The following GMEB2 variants were observed in gnomAD, a reference collection of about 807,000 sequenced individuals.
GMEB2 encodes glucocorticoid modulatory element binding protein 2.
GMEB2 carries 7 observed loss-of-function variants against 45.7 expected under a neutral mutation model. The ratio of observed to expected loss-of-function variants is 0.15; its 90% CI spans 0.09 to 0.29. GMEB2 has a LOEUF of 0.29. Ranked by LOEUF, GMEB2 falls within the 10% of genes least tolerant of loss-of-function variation. GMEB2 has a pLI of 1.00. For synonymous variants in GMEB2, 322 were observed against 323.6 expected (o/e 1.00, Z 0.05); for missense variants, 582 against 739.2 (o/e 0.79, Z 2.47).
chr20:63,591,827 A>G (rs1211820249), intron 9 of GMEB2, among the ~76,000 whole-genome samples, 195 bp downstream of exon 9: 1 of 152,256 alleles, frequency 6.6e-6, no homozygotes, highest in African/African-American at 2.4e-5. Flanking sequence ...ATGTAAGCTT[A>G]GTGCAATGGA....
chr20:63,591,349 C>G lies in GMEB2; in HGVS notation c.953-620G>C, dbSNP rs6122482. Reference sequence around the variant, plus strand: ...TGAACACGCAGTGAACACACACACACTGAACACACACACAGTGAACACACA... The same window carrying G: ...TGAACACGCAGTGAACACACACACAGTGAACACACACACAGTGAACACACA... On this transcript the variant is annotated intron_variant, in intron 9 of 9. Coordinates refer to ENST00000370077, the MANE Select transcript of GMEB2 (RefSeq NM_012384.5). Among the ~76,000 whole-genome samples the G allele has an allele frequency of 5.0e-5, 6 of 120,996 alleles. No individual in the cohort carries two copies. The East Asian group carries it at 1.2e-3, about 24-fold the overall frequency. The allele number at this position is 120,996 out of a possible 152,430, so 79.4% of individuals were successfully genotyped here.
chr20:63,599,743 C>T (rs917858995), intron 4 of GMEB2, among the ~76,000 whole-genome samples: 1 of 152,204 alleles, frequency 6.6e-6, no homozygotes, highest in Non-Finnish European at 1.5e-5. Context: ...CAATTTCAAA[C>T]TCACAGGGTA....
At chr20:63,601,639 G>C (rs930568546) in intron 4 of GMEB2, among the ~76,000 whole-genome samples, 1 of 151,806 alleles carries the variant, frequency 6.6e-6, no homozygotes, top group Admixed American at 6.6e-5. Flanking sequence ...CTCCCAAAGT[G>C]TCAGGATTGC....
rs143002237 is a variant in GMEB2 at position 63,593,690 on chromosome 20, G to A, written c.620-608C>T. On this transcript the variant is annotated intron_variant, in intron 6 of 9. Transcript: ENST00000370077. The surrounding 1 kb of genome is among the most constrained non-coding windows in gnomAD (Gnocchi z 4.7). ...TCGTTCATATGTGGCCATTTTGGGCGTTGCTGATAGAGACTTTATACACAG... is the reference window on the plus strand; with the variant it reads ...TCGTTCATATGTGGCCATTTTGGGCATTGCTGATAGAGACTTTATACACAG... Among the ~76,000 whole-genome samples, 64 of 147,336 alleles carry A rather than the reference G, an allele frequency of 4.3e-4. No homozygotes were observed. The highest frequency in any genetic ancestry group is 3.5e-3 in the East Asian group (16 of 4,564).
Position 63,603,083 on chromosome 20 carries a change from G to A in GMEB2, c.239C>T (p.Ala80Val). Residue 80 changes from alanine (A) to valine (V), a missense_variant, in exon 4 of 10, where the codon GCT (alanine) becomes GTT (valine). Ala to Val is a moderately conservative substitution (Grantham distance 64). Transcript: ENST00000370077. ...AGCTTCCAGGTTCTCCCCCTCTTCA[G>A]CCATCTTCACTTCTCACAGGCACAT... Reference protein sequence around the residue: ...QLKEAVLVKMAEEGENLEAEI... With the variant: ...QLKEAVLVKMVEEGENLEAEI... 6.2e-7 allele frequency: 1 copy of A among 1,613,998 alleles called. No individual in the cohort carries two copies. Among genetic ancestry groups the A allele is most frequent in the Non-Finnish European group, 8.5e-7 (1 of 1,179,936 alleles).
At position 63,600,445 on chromosome 20, in the gene GMEB2, C is replaced by T. The variant is rs556515975; in HGVS notation, c.357+2520G>A. ...CATTAAGACTGCAGCAGGCCGGGCG[C>T]GGTGGCTCACGCCTGTAATCCCAGC... On this transcript the variant is annotated intron_variant, in intron 4 of 9. Transcript: ENST00000370077. Among the ~76,000 whole-genome samples, 8 of 150,526 alleles carry T rather than the reference C, an allele frequency of 5.3e-5. No homozygotes were observed. In the South Asian group the frequency reaches 8.7e-4, roughly 16 times the overall value.
In GMEB2 at chr20:63,592,971, G is replaced by T; in HGVS notation, c.691+40C>A. ...AGGTGGGCAGAGACTCCACCACCCCGCCAGGGCTTGTGAGAAGCCCACAAG... is the reference window on the plus strand; with the variant it reads ...AGGTGGGCAGAGACTCCACCACCCCTCCAGGGCTTGTGAGAAGCCCACAAG... On this transcript the variant is annotated intron_variant, in intron 7 of 9. Coordinates refer to ENST00000370077, the MANE Select transcript of GMEB2 (RefSeq NM_012384.5). This position sits in a 1 kb window ranked among gnomAD's most constrained non-coding sequence, Gnocchi z 8.2. 4 of 1,420,360 alleles carry T rather than the reference G, an allele frequency of 2.8e-6. No individual in the cohort carries two copies. The highest frequency in any genetic ancestry group is 3.9e-6 in the Non-Finnish European group (4 of 1,015,170). 88.0% of individuals were successfully genotyped at this position (1,420,360 alleles called of 1,614,324 possible).
intron 2 of GMEB2, among the ~76,000 whole-genome samples, chr20:63,617,872 T>G (rs1056429634): frequency 2.0e-5 from 3 of 151,802 alleles, no homozygotes; most frequent in Non-Finnish European, 2.9e-5. Flanking sequence ...CTGGGCTCAG[T>G]TGGGATCAGA....
Position 63,591,931 on chromosome 20 carries a change from G to A in GMEB2, c.952+91C>T, listed in dbSNP as rs1322035307. The A allele has an allele frequency of 3.6e-6, 4 of 1,119,780 alleles. No homozygotes were observed. In the South Asian group the frequency reaches 6.0e-5, roughly 17 times the overall value. The allele number at this position is 1,119,780 out of a possible 1,614,324, so 69.4% of individuals were successfully genotyped here. A position where few individuals can be genotyped will look rare whatever the true frequency, so the allele number is the denominator to read the frequency against. On this transcript the variant is annotated intron_variant, in intron 9 of 9. Coordinates refer to ENST00000370077, the MANE Select transcript of GMEB2 (RefSeq NM_012384.5). ...CGTGGTGGCGGTGACTCCAGGAAGT[G>A]CAGGTGGATGCACAGCCGTGGGGTG...
Position 63,606,879 on chromosome 20 carries a change from C to T in GMEB2, c.132-2039G>A, listed in dbSNP as rs2089523645. Among the ~76,000 whole-genome samples the T allele has an allele frequency of 2.6e-5, 4 of 152,136 alleles. No homozygotes were observed. The South Asian group carries it at 8.3e-4, about 32-fold the overall frequency. ...GAAACCAGTACATGAGGCCACTTTC[C>T]CCTAGAGAGCCCACAGGAAGGAACC... On this transcript the variant is annotated intron_variant, in intron 2 of 9. Transcript: ENST00000370077.
rs748537334 is a variant in GMEB2, at chr20:63,619,409, AG to A, written c.-13del. Reference sequence around the variant, plus strand: ...TCGGGAGTCGCCATGGCTCAGCGGAAGGGGACGCCCAGGCCAGCAGCGTCAG... The same window carrying A: ...TCGGGAGTCGCCATGGCTCAGCGGAAGGGACGCCCAGGCCAGCAGCGTCAG... On this transcript the variant is annotated 5_prime_UTR_variant, in exon 2 of 10. Coordinates refer to ENST00000370077, the MANE Select transcript of GMEB2 (RefSeq NM_012384.5). The surrounding 1 kb of genome is among the most constrained non-coding windows in gnomAD (Gnocchi z 4.6). The A allele has an allele frequency of 1.2e-6, 2 of 1,608,226 alleles. No homozygotes were observed. Among genetic ancestry groups the A allele is most frequent in the Non-Finnish European group, 1.7e-6 (2 of 1,179,206 alleles).
intron 2 of GMEB2, among the ~76,000 whole-genome samples, chr20:63,617,988 A>G (rs1028420982): frequency 1.4e-4 from 21 of 148,658 alleles, no homozygotes; most frequent in African/African-American, 4.8e-4. Flanking sequence ...CTGCTGCCAC[A>G]CTACTCATTG....
chr20:63,614,558 C>T (rs990668615), intron 2 of GMEB2, among the ~76,000 whole-genome samples: 3 of 152,208 alleles, frequency 2.0e-5, no homozygotes, highest in Non-Finnish European at 4.4e-5. Flanking sequence ...GAAGACTCTA[C>T]TCCTCCACCT....
chr20:63,591,870 G>A, intron 9 of GMEB2, 152 bp downstream of exon 9: 1 of 602,776 alleles, frequency 1.7e-6, no homozygotes, highest in Non-Finnish European at 2.9e-6. Flanking sequence ...GCTTCAGGTT[G>A]TTTTCCTCGC....
At position 63,614,495 on chromosome 20, in the gene GMEB2, C is replaced by T. The variant is rs184838731; in HGVS notation, c.131+4772G>A. Among the ~76,000 whole-genome samples the T allele has an allele frequency of 1.9e-4, 29 of 152,318 alleles. No homozygotes were observed. In the East Asian group the frequency reaches 5.2e-3, roughly 27 times the overall value. ...AGCCTCAGTGTCAAGGAAAAACACC[C>T]GCTACTTAGCAAACCAGGAAAGAGA... On this transcript the variant is annotated intron_variant, in intron 2 of 9. Transcript: ENST00000370077.
intron 2 of GMEB2, among the ~76,000 whole-genome samples, chr20:63,608,422 A>AC (rs1189139614): frequency 1.0e-4 from 1 of 9,926 alleles, no homozygotes; most frequent in Admixed American, 5.7e-4. Flanking sequence ...CATGCCCGTG[A>AC]CCCCACATCC....
chr20:63,588,820 G>C lies in GMEB2; in HGVS notation c.*1269C>G, dbSNP rs2083117358. On this transcript the variant is annotated 3_prime_UTR_variant, in exon 10 of 10. Transcript: ENST00000370077. The stretch of plus-strand genomic sequence containing the variant: ...TTGGAGACGGCAGGAGGCCTGGGCT[G>C]GCTGCTCCCTGAGATGCCTGCCCCA... 2.5e-6 allele frequency: 1 copy of C among 398,746 alleles called. No homozygotes were observed. The highest frequency in any genetic ancestry group is 4.4e-5 in the Admixed American group (1 of 22,736). 24.7% of individuals were successfully genotyped at this position (398,746 alleles called of 1,614,324 possible).
chr20:63,590,703 G>A lies in GMEB2; in HGVS notation c.979C>T (p.Arg327Cys), dbSNP rs1347369243. The A allele has an allele frequency of 3.3e-6, 5 of 1,521,998 alleles. No homozygotes were observed. The highest frequency in any genetic ancestry group is 3.5e-6 in the Non-Finnish European group (4 of 1,130,126). 94.3% of individuals were successfully genotyped at this position (1,521,998 alleles called of 1,614,324 possible). A position where few individuals can be genotyped will look rare whatever the true frequency, so the allele number is the denominator to read the frequency against. Reference protein sequence around the residue: ...AALEQQCDEHRRRAKELKHKS... With the variant: ...AALEQQCDEHCRRAKELKHKS... ...TGCTTCAGCTCCTTGGCTCGGCGAC[G>A]ATGCTCATCACACTGCTGCTCCAGG... The change falls in exon 10 of 10, where the codon CGT becomes TGT. Residue 327 changes from arginine (R) to cysteine (C), a missense_variant. Around this residue, in one of 3 missense-constraint regions of GMEB2, gnomAD observed 462 missense variants for 586.7 expected, o/e 0.79. Coordinates refer to ENST00000370077, the MANE Select transcript of GMEB2 (RefSeq NM_012384.5).
intron 6 of GMEB2, among the ~76,000 whole-genome samples, chr20:63,595,237 A>G (rs992555002): frequency 3.2e-5 from 3 of 92,396 alleles, no homozygotes; most frequent in African/African-American, 1.3e-4. Context: ...GTAAACCGCC[A>G]GGTCAGGAGG....
Sources: gnomAD v4.1 joint callset for allele counts (sites outside exome capture counted in the v4.1 genomes callset) on GRCh38, gnomAD v4.1.1 for gene constraint, gnomAD v4.1.1 regional missense constraint, Gnocchi (gnomAD v3.1) non-coding constraint, MANE v1.5 for transcripts, NCBI Gene and HGNC (gene_info 2026-07-23, HGNC 2026-07-21) for gene names.